FBXL6: variants seen among roughly 807,000 people sequenced by gnomAD.
FBXL6 encodes the protein F-box/LRR-repeat protein 6.
In FBXL6, 50 loss-of-function variants were observed where a neutral mutation model predicts 53.3. That is an observed-to-expected ratio of 0.94 (90% CI 0.75 to 1.19). The LOEUF (loss-of-function observed/expected upper bound fraction) is 1.19, where lower values mean the gene tolerates loss of function less well. Among genes scored for constraint, FBXL6 ranks in the 50% most tolerant of loss-of-function variants. FBXL6 has a pLI of 0.00. For synonymous variants in FBXL6, 405 were observed against 322.9 expected, an observed-to-expected ratio of 1.25 and a Z score of -2.73; for missense variants, 815 against 719.0, an observed-to-expected ratio of 1.13 and a Z score of -1.53.
In FBXL6 at chr8:144,358,128, G is replaced by A; in HGVS notation, c.320C>T (p.Pro107Leu). ...PAPTPTPEEGPDAGWGDRIPL... is the reference protein window; with the variant it reads ...PAPTPTPEEGLDAGWGDRIPL... ...AATGCGGTCTCCCCAGCCCGCGTCG[G>A]GCCCTTCCTCGGGCGTGGGCGTGGG... The change falls in exon 1 of 9, where the codon CCC becomes CTC. Residue 107 changes from proline (P) to leucine (L), a missense_variant. By Grantham distance (98) the Pro-to-Leu change is moderately conservative. Coordinates refer to ENST00000331890, the MANE Select transcript of FBXL6 (RefSeq NM_012162.4). 1.3e-6 allele frequency: 2 copies of A among 1,573,296 alleles called. No individual in the cohort carries two copies. The highest frequency in any genetic ancestry group is 1.8e-5 in the Admixed American group (1 of 56,616).
Position 144,357,430 on chromosome 8 carries a change from A to C in FBXL6, c.639+9T>G. The C allele has an allele frequency of 3.1e-6, 5 of 1,610,692 alleles. No homozygotes were observed. The highest frequency in any genetic ancestry group is 4.2e-6 in the Non-Finnish European group (5 of 1,178,718). ...ACAGCTGATGTGCAGGACAGCCTGG[A>C]GCTCTCACCTTCAACACGGGGTGTA... On this transcript the variant is annotated intron_variant, in intron 3 of 8. Coordinates refer to ENST00000331890, the MANE Select transcript of FBXL6 (RefSeq NM_012162.4).
chr8:144,357,353 C>G (rs1554853077), intron 3 of FBXL6, 86 bp downstream of exon 3: 1 of 1,404,006 alleles, frequency 7.1e-7, no homozygotes, highest in Non-Finnish European at 9.8e-7. Context: ...CAGCGTTGGG[C>G]CCCCAAGGTG....
rs151061162 is a variant in FBXL6 at position 144,355,543 on chromosome 8, G to A, written c.1608C>T (p.Pro536=). 5 of 1,609,640 alleles carry A rather than the reference G, an allele frequency of 3.1e-6. No individual in the cohort carries two copies. The highest frequency in any genetic ancestry group is 1.3e-5 in the African/African-American group (1 of 74,990). Residue 536 remains proline (P), a synonymous_variant, in exon 9 of 9, where the codon CCC becomes CCT. Coordinates refer to ENST00000331890, the MANE Select transcript of FBXL6 (RefSeq NM_012162.4). Reference sequence around the variant, plus strand: ...GGTCTGTGGCTGCCTAGCTGGGTGAGGGGCTGGTGAGCAGCTGCTCCAGAC... The same window carrying A: ...GGTCTGTGGCTGCCTAGCTGGGTGAAGGGCTGGTGAGCAGCTGCTCCAGAC... The part of the protein sequence containing the change: ...QWCLEQLLTS[P]SPS
rs1554853197 is a variant in FBXL6 at position 144,357,660 on chromosome 8, G to A, written c.543C>T (p.Leu181=). Residue 181 remains leucine (L), a synonymous_variant, in exon 2 of 9, where the codon CTC becomes CTT. Transcript: ENST00000331890. ...AKGGVKAEKK[L]LASLEWLMPN... ...GCATAAGCCACTCCAGGGAAGCAAG[G>A]AGCTTCTTCTCCGCCTTGACCCCGC... 6.2e-7 allele frequency: 1 copy of A among 1,610,798 alleles called. No individual in the cohort carries two copies. Among genetic ancestry groups the A allele is most frequent in the East Asian group, 2.2e-5 (1 of 44,832 alleles).
Position 144,356,814 on chromosome 8 carries a change from T to C in FBXL6, c.873A>G (p.Ala291=). The C allele has an allele frequency of 6.2e-7, 1 of 1,613,338 alleles. No individual in the cohort carries two copies. The highest frequency in any genetic ancestry group is 8.5e-7 in the Non-Finnish European group (1 of 1,180,006). The change falls in exon 5 of 9, where the codon GCA becomes GCG. Residue 291 remains alanine (A), a synonymous_variant. Coordinates refer to ENST00000331890, the MANE Select transcript of FBXL6 (RefSeq NM_012162.4). Reference sequence around the variant, plus strand: ...CCCACCAATGCCAACTTACCAGCAGTGCGCCCAGGATGGCTGTCGTCTGGG... The same window carrying C: ...CCCACCAATGCCAACTTACCAGCAGCGCGCCCAGGATGGCTGTCGTCTGGG... ...YSSQTTAILG[A]LLGSCCPQLQ...
In FBXL6 at chr8:144,357,506, G is replaced by C. The variant is rs1818511394; in HGVS notation, c.576-4C>G. 6.2e-7 allele frequency: 1 copy of C among 1,613,270 alleles called. No individual in the cohort carries two copies. Among genetic ancestry groups the C allele is most frequent in the African/African-American group, 1.3e-5 (1 of 74,914 alleles). On this transcript the variant is annotated splice_polypyrimidine_tract_variant and splice_region_variant and intron_variant, in intron 2 of 8. Coordinates refer to ENST00000331890, the MANE Select transcript of FBXL6 (RefSeq NM_012162.4). ...CAGCCTCTGGAGCTGTGAAAACCTGGGCCGACAGCGGAGGCAGAGCTGCAC... is the reference window on the plus strand; with the variant it reads ...CAGCCTCTGGAGCTGTGAAAACCTGCGCCGACAGCGGAGGCAGAGCTGCAC...
At position 144,356,550 on chromosome 8, in the gene FBXL6, C is replaced by T. The variant is rs781988843; in HGVS notation, c.994-19G>A. The T allele has an allele frequency of 5.0e-6, 8 of 1,612,894 alleles. No individual in the cohort carries two copies. The highest frequency in any genetic ancestry group is 1.7e-5 in the Admixed American group (1 of 60,024). ...GCAGCACCTGGGGGCAAGGTCCAGG[C>T]TGTAGATGGGGGAGGGTGTGACAGG... On this transcript the variant is annotated intron_variant, in intron 6 of 8. Coordinates refer to ENST00000331890, the MANE Select transcript of FBXL6 (RefSeq NM_012162.4).
At chr8:144,357,930 C>T in intron 1 of FBXL6, 102 bp downstream of exon 1, 1 of 1,451,134 alleles carries the variant, frequency 6.9e-7, no homozygotes, top group Non-Finnish European at 9.0e-7. Flanking sequence ...CTGAGCGGTG[C>T]GCGCTCCGAT....
chr8:144,355,447 T>G lies in FBXL6; in HGVS notation c.*84A>C, dbSNP rs1818354498. 1.9e-6 allele frequency: 3 copies of G among 1,564,630 alleles called. No homozygotes were observed. Among genetic ancestry groups the G allele is most frequent in the Non-Finnish European group, 2.6e-6 (3 of 1,150,016 alleles). On this transcript the variant is annotated 3_prime_UTR_variant, in exon 9 of 9. Transcript: ENST00000331890. ...ACACAGAACTCCTAAAAATGTTTTA[T>G]TTTAACAAAATGCTCAAATATCTGA...
At chr8:144,356,566 G>A in intron 6 of FBXL6, 34 bp downstream of exon 6, 2 of 1,612,504 alleles carry the variant, frequency 1.2e-6, no homozygotes, top group Non-Finnish European at 8.5e-7. Flanking sequence ...ATGGGGGAGG[G>A]TGTGACAGGT....
Position 144,355,511 on chromosome 8 carries a change from T to C in FBXL6, c.*20A>G. ...TGGAGGGTGGGCAAGCTGGCTGAGGTGTCCCAGGTCTGTGGCTGCCTAGCT... is the reference window on the plus strand; with the variant it reads ...TGGAGGGTGGGCAAGCTGGCTGAGGCGTCCCAGGTCTGTGGCTGCCTAGCT... On this transcript the variant is annotated 3_prime_UTR_variant, in exon 9 of 9. Coordinates refer to ENST00000331890, the MANE Select transcript of FBXL6 (RefSeq NM_012162.4). 1 of 1,598,170 alleles carries C rather than the reference T, an allele frequency of 6.3e-7. No individual in the cohort carries two copies. Among genetic ancestry groups the C allele is most frequent in the South Asian group, 1.1e-5 (1 of 90,802 alleles).
chr8:144,357,608 G>A lies in FBXL6; in HGVS notation c.575+20C>T, dbSNP rs1818518479. On this transcript the variant is annotated intron_variant, in intron 2 of 8. Transcript: ENST00000331890. ...GAAGGAGCCTGGAGCCAGGGGTAAGGAAGAGAGGGAACCCCTCACCGATTG... is the reference window on the plus strand; with the variant it reads ...GAAGGAGCCTGGAGCCAGGGGTAAGAAAGAGAGGGAACCCCTCACCGATTG... 1 of 1,605,522 alleles carries A rather than the reference G, an allele frequency of 6.2e-7. No homozygotes were observed. The highest frequency in any genetic ancestry group is 8.5e-7 in the Non-Finnish European group (1 of 1,174,518).
At chr8:144,357,939 A>T in intron 1 of FBXL6, 93 bp downstream of exon 1, 1 of 1,458,328 alleles carries the variant, frequency 6.9e-7, no homozygotes, top group Non-Finnish European at 9.0e-7. Context: ...GCGCGCTCCG[A>T]TGCTTTCGCC....
chr8:144,356,101 A>C lies in FBXL6; in HGVS notation c.1339T>G (p.Leu447Val). 6.2e-7 allele frequency: 1 copy of C among 1,612,952 alleles called. No homozygotes were observed. Among genetic ancestry groups the C allele is most frequent in the African/African-American group, 1.3e-5 (1 of 75,030 alleles). ...TTCTCACTGAACCCCTGGCCACTCA[A>C]GTCCAGTTCTCGCAGTGTATGGCAC... ...KWCHTLRELDLSGQGFSEKDL... is the reference protein window; with the variant it reads ...KWCHTLRELDVSGQGFSEKDL... The change falls in exon 8 of 9, where the codon TTG becomes GTG. Residue 447 changes from leucine to valine, a missense_variant. By Grantham distance (32) the Leu-to-Val change is conservative. Transcript: ENST00000331890.
rs143646016 is a variant in FBXL6 at position 144,357,015 on chromosome 8, T to C, written c.746A>G (p.His249Arg). 64 of 1,612,888 alleles carry C rather than the reference T, an allele frequency of 4.0e-5. No individual in the cohort carries two copies. Among genetic ancestry groups the C allele is most frequent in the Middle Eastern group, 1.6e-4 (1 of 6,084 alleles). ...CATGGAGTGCTGTAGGTCCAGGCTA[T>C]GGAGCTGGCAGCAGGCTTTGGCTAG... ...VMLAKACCQL[H>R]SLDLQHSMVE... The change falls in exon 4 of 9, where the codon CAT (histidine) becomes CGT (arginine). Residue 249 changes from histidine to arginine, a missense_variant. His to Arg is a conservative substitution (Grantham distance 29). Transcript: ENST00000331890.
chr8:144,357,982 C>A (rs1554853330), intron 1 of FBXL6, 50 bp downstream of exon 1: 8 of 1,556,048 alleles, frequency 5.1e-6, no homozygotes, highest in Non-Finnish European at 6.9e-6. Context: ...GCTCGGACCA[C>A]GTCTGGCCCA....
chr8:144,358,061 C>T lies in FBXL6; in HGVS notation c.387G>A (p.Ala129=). The part of the protein sequence containing the change: ...ILVQIFGLLV[A]ADGPMPFLGR... The stretch of plus-strand genomic sequence containing the variant: ...CCAGGAAGGGCATGGGGCCGTCCGC[C>T]GCCACCAACAACCCGAAAATCTGCA... Residue 129 remains alanine, a synonymous_variant, in exon 1 of 9, where the codon GCG becomes GCA. Coordinates refer to ENST00000331890, the MANE Select transcript of FBXL6 (RefSeq NM_012162.4). 6.3e-7 allele frequency: 1 copy of T among 1,598,638 alleles called. No homozygotes were observed. Among genetic ancestry groups the T allele is most frequent in the South Asian group, 1.1e-5 (1 of 90,710 alleles).
intron 8 of FBXL6, 70 bp from the exon 9 acceptor site, chr8:144,355,748 T>A: frequency 6.4e-7 from 1 of 1,574,748 alleles, no homozygotes; most frequent in Non-Finnish European, 8.6e-7. Flanking sequence ...TAGGGAGCTG[T>A]GCCTGCTGGT....
In FBXL6 at chr8:144,357,146, G is replaced by A. The variant is rs371148890; in HGVS notation, c.640-25C>T. ...GCTGCGGGGAGACAGAGGGGCAGCT[G>A]GGGTTGGGAGACGACAGGCTAAGAT... On this transcript the variant is annotated intron_variant, in intron 3 of 8. Coordinates refer to ENST00000331890, the MANE Select transcript of FBXL6 (RefSeq NM_012162.4). The A allele has an allele frequency of 1.2e-4, 191 of 1,612,378 alleles. No homozygotes were observed. The African/African-American group carries it at 2.4e-3, about 20-fold the overall frequency.
Sources: allele counts gnomAD v4.1 joint callset, GRCh38; gene constraint gnomAD v4.1.1; transcripts MANE v1.5; gene names NCBI Gene and HGNC (gene_info 2026-07-23, HGNC 2026-07-21).